LRRC37A3: variants seen among roughly 807,000 people sequenced by gnomAD.
LRRC37A3 encodes the protein leucine-rich repeat-containing protein 37A3.
In LRRC37A3, 25 loss-of-function variants were observed where a neutral mutation model predicts 106.2. That is an observed-to-expected ratio of 0.24 (90% CI 0.17 to 0.33). The LOEUF is 0.33. Ranked by LOEUF, LRRC37A3 falls within the 10% of genes least tolerant of loss-of-function variation. The pLI is 1.00. For synonymous variants in LRRC37A3, 305 were observed against 635.8 expected, an observed-to-expected ratio of 0.48 and a Z score of 7.83; for missense variants, 712 against 1,644.9, an observed-to-expected ratio of 0.43 and a Z score of 9.81.
intron 2 of LRRC37A3, among the ~76,000 whole-genome samples, chr17:64,906,758 G>T: frequency 6.9e-6 from 1 of 144,520 alleles, no homozygotes; most frequent in Non-Finnish European, 1.5e-5. Flanking sequence ...TTGAGACGGA[G>T]TCTCCCTCTG....
At chr17:64,890,313 C>T (rs1264318669) in intron 5 of LRRC37A3, among the ~76,000 whole-genome samples, 1 of 127,884 alleles carries the variant, frequency 7.8e-6, no homozygotes, top group Non-Finnish European at 1.5e-5. Flanking sequence ...AAGTGATCCT[C>T]CTGTGTCTGC....
chr17:64,865,096 C>T (rs568981219), intron 10 of LRRC37A3, among the ~76,000 whole-genome samples: 11 of 152,310 alleles, frequency 7.2e-5, no homozygotes, highest in South Asian at 4.1e-4. Flanking sequence ...GACCCGGAAC[C>T]GTAACCCAGC....
chr17:64,884,408 C>G (rs913517746), intron 8 of LRRC37A3, among the ~76,000 whole-genome samples: 1 of 151,828 alleles, frequency 6.6e-6, no homozygotes, highest in Non-Finnish European at 1.5e-5. Flanking sequence ...CTCTGTCCCT[C>G]AGGCTGGAGT....
chr17:64,880,124 GC>G (rs973100732), intron 8 of LRRC37A3, among the ~76,000 whole-genome samples: 1 of 151,518 alleles, frequency 6.6e-6, no homozygotes, highest in Non-Finnish European at 1.5e-5. Flanking sequence ...AAAATATAGG[GC>G]CATTCGATAT....
intron 2 of LRRC37A3, among the ~76,000 whole-genome samples, chr17:64,907,508 T>TG (rs1346884755): frequency 1.3e-5 from 1 of 77,526 alleles, no homozygotes; most frequent in Non-Finnish European, 2.5e-5. Context: ...CAGGGCGTGG[T>TG]GGTGGGTACC....
chr17:64,861,887 A>T (rs903227760), intron 11 of LRRC37A3, among the ~76,000 whole-genome samples: 10 of 152,150 alleles, frequency 6.6e-5, no homozygotes, highest in African/African-American at 2.2e-4. Context: ...TTCCAGAATT[A>T]AAAGTACTTT....
intron 8 of LRRC37A3, among the ~76,000 whole-genome samples, chr17:64,873,400 A>G (rs1222686655): frequency 6.6e-6 from 1 of 152,126 alleles, no homozygotes; most frequent in Non-Finnish European, 1.5e-5. Flanking sequence ...CCTCAGCCTC[A>G]ACCTCAGCCT....
Position 64,858,857 on chromosome 17 carries a change from GC to G in LRRC37A3, c.4730del (p.Gly1577AlafsTer10). 1 of 1,609,146 alleles carries G rather than the reference GC, an allele frequency of 6.2e-7. No individual in the cohort carries two copies. Among genetic ancestry groups the G allele is most frequent in the Non-Finnish European group, 8.5e-7 (1 of 1,178,000 alleles). On this transcript the variant is annotated frameshift_variant, in exon 13 of 15. Transcript: ENST00000584306. LOFTEE classifies it high-confidence loss of function. ...LEFTKELPGY[G>X]YTKKLILALI... is the part of the protein sequence containing the mutation. Reference sequence around the variant, plus strand: ...ACGCCAAGATGAGTTTTTTGGTATAGCCATATCCTGGAAGTTCTTTTGTGAA... The same window carrying G: ...ACGCCAAGATGAGTTTTTTGGTATAGCATATCCTGGAAGTTCTTTTGTGAA...
rs539634516 is a variant in LRRC37A3, at chr17:64,916,906, CAGA to C, written c.-496+1841_-496+1843del. Reference sequence around the variant, plus strand: ...TCATTAGGGACAAGGAAATTAAAACCAGAAGAAGCTACCACCATATACTTATTA... The same window carrying C: ...TCATTAGGGACAAGGAAATTAAAACCAGAAGCTACCACCATATACTTATTA... On this transcript the variant is annotated intron_variant, in intron 2 of 14. Coordinates refer to ENST00000584306, the MANE Select transcript of LRRC37A3 (RefSeq NM_199340.5). 9.2e-3 allele frequency among the ~76,000 whole-genome samples: 1,358 copies of C among 148,360 alleles called. 10 individuals are homozygous for C. The highest frequency in any genetic ancestry group is 0.015 in the Non-Finnish European group (979 of 67,264).
intron 10 of LRRC37A3, chr17:64,863,585 A>G (rs1598395329): frequency 6.5e-6 from 1 of 153,570 alleles, no homozygotes; most frequent in South Asian, 2.0e-4. Flanking sequence ...ATATTGAAAA[A>G]GAAAGAGGGG....
In LRRC37A3 at chr17:64,860,173, G is replaced by T. The variant is rs772448589; in HGVS notation, c.3973C>A (p.Pro1325Thr). The T allele has an allele frequency of 1.9e-6, 3 of 1,613,948 alleles. No homozygotes were observed. The South Asian group carries it at 3.3e-5, about 18-fold the overall frequency. ...THRTPKVKKS[P>T]KVRKKSYLSR... The stretch of plus-strand genomic sequence containing the variant: ...AGATAACTTTTCTTTCTGACCTTTG[G>T]ACTCTTTTTGACCTTGGGTGTTCTG... The change falls in exon 12 of 15, where the codon CCA (proline) becomes ACA (threonine). Residue 1325 changes from proline (P) to threonine (T), a missense_variant. Coordinates refer to ENST00000584306, the MANE Select transcript of LRRC37A3 (RefSeq NM_199340.5).
Position 64,860,285 on chromosome 17 carries a change from A to C in LRRC37A3, c.3861T>G (p.Ala1287=). 6.2e-7 allele frequency: 1 copy of C among 1,613,908 alleles called. No individual in the cohort carries two copies. The highest frequency in any genetic ancestry group is 1.3e-5 in the African/African-American group (1 of 74,998). The change falls in exon 12 of 15, where the codon GCT becomes GCG. Residue 1287 remains alanine, a synonymous_variant. Coordinates refer to ENST00000584306, the MANE Select transcript of LRRC37A3 (RefSeq NM_199340.5). ...HAISILESAK[A]RVTNMKTSKP... ...TAGATGTCTTCATATTTGTAACTCT[A>C]GCCTTTGCACTTTCTAAAATGGAAA...
rs1972820273 is a variant in LRRC37A3 at position 64,860,194 on chromosome 17, T to A, written c.3952A>T (p.Thr1318Ser). The change falls in exon 12 of 15, where the codon ACA becomes TCA. Residue 1318 changes from threonine to serine, a missense_variant. Coordinates refer to ENST00000584306, the MANE Select transcript of LRRC37A3 (RefSeq NM_199340.5). ...TTTGGACTCTTTTTGACCTTGGGTG[T>A]TCTGTGGGTCATGCGGGAGCGAGTT... is the stretch of plus-strand genomic sequence containing the variant. Reference protein sequence around the residue: ...HKTRSRMTHRTPKVKKSPKVR... With the variant: ...HKTRSRMTHRSPKVKKSPKVR... 9.9e-6 allele frequency: 16 copies of A among 1,613,990 alleles called. No homozygotes were observed. The highest frequency in any genetic ancestry group is 1.4e-5 in the Non-Finnish European group (16 of 1,179,864).
intron 2 of LRRC37A3, among the ~76,000 whole-genome samples, chr17:64,913,027 AT>A (rs375659871): frequency 0.026 from 3,734 of 143,578 alleles, 82 homozygotes; most frequent in African/African-American, 0.072. Context: ...ATATTAAGTA[AT>A]TTTTTTTTTT....
At position 64,881,171 on chromosome 17, in the gene LRRC37A3, G is replaced by A; in HGVS notation, c.2906+4915C>T. On this transcript the variant is annotated intron_variant, in intron 8 of 14. Coordinates refer to ENST00000584306, the MANE Select transcript of LRRC37A3 (RefSeq NM_199340.5). The stretch of plus-strand genomic sequence containing the variant: ...GCTCCTCCATACAAGACCTCGGACT[G>A]CATCACGTAAATGCTTTTTCAGGGG... 4 of 700,908 alleles carry A rather than the reference G, an allele frequency of 5.7e-6. No individual in the cohort carries two copies. In the South Asian group the frequency reaches 5.9e-5, roughly 10 times the overall value. The allele number at this position is 700,908 out of a possible 1,614,324, so 43.4% of individuals were successfully genotyped here. A position where few individuals can be genotyped will look rare whatever the true frequency, so the allele number is the denominator to read the frequency against.
chr17:64,874,324 C>G (rs1973424945), intron 8 of LRRC37A3, among the ~76,000 whole-genome samples: 1 of 149,622 alleles, frequency 6.7e-6, no homozygotes, highest in African/African-American at 2.5e-5. Flanking sequence ...TGAGGAGCGT[C>G]TCTGCCTGGC....
intron 2 of LRRC37A3, among the ~76,000 whole-genome samples, chr17:64,914,268 G>A (rs1210886053): frequency 1.3e-5 from 2 of 152,002 alleles, no homozygotes; most frequent in African/African-American, 2.4e-5. Context: ...TTTTAAAAGT[G>A]CACAAAGGGG....
chr17:64,917,703 A>C (rs576189639), intron 2 of LRRC37A3, among the ~76,000 whole-genome samples: 1 of 152,336 alleles, frequency 6.6e-6, no homozygotes, highest in African/African-American at 2.4e-5. Flanking sequence ...GCGATGGCTC[A>C]CACCTGTAAT....
rs140569893 is a variant in LRRC37A3, at chr17:64,868,430, G to A, written c.3053+32C>T. 4.8e-4 allele frequency: 770 copies of A among 1,608,608 alleles called. 4 individuals carry two copies. The highest frequency in any genetic ancestry group is 2.4e-3 in the South Asian group (216 of 89,504). ...AAAACAAACCTAAAGAAACAACTAC[G>A]TAAAAATAAATCTCGGAAAAAAATA... On this transcript the variant is annotated intron_variant, in intron 10 of 14. Transcript: ENST00000584306.
Sources: gnomAD v4.1 joint callset for allele counts (sites outside exome capture counted in the v4.1 genomes callset) on GRCh38, gnomAD v4.1.1 for gene constraint, MANE v1.5 for transcripts, NCBI Gene and HGNC (gene_info 2026-07-23, HGNC 2026-07-21) for gene names.